The following THSD7B variants were observed in gnomAD, a reference collection of about 807,000 sequenced individuals.
THSD7B encodes thrombospondin type-1 domain-containing protein 7B.
THSD7B carries 138 observed loss-of-function variants against 213.6 expected under a neutral mutation model. That is an observed-to-expected ratio of 0.65 (90% CI 0.56 to 0.74). The LOEUF (loss-of-function observed/expected upper bound fraction) is 0.74. Ranked by LOEUF, THSD7B falls within the 30% of genes least tolerant of loss-of-function variation. The probability of loss-of-function intolerance (pLI) is 0.00; values close to 1 mark genes in which losing one functional copy is unlikely to be tolerated. For missense variants in THSD7B, 1,931 were observed against 1,991.5 expected, an observed-to-expected ratio of 0.97 and a Z score of 0.58; for synonymous variants, 742 against 687.0, an observed-to-expected ratio of 1.08 and a Z score of -1.25.
rs773303059 is a variant in THSD7B, at chr2:137,275,914, T to C, written c.2397-9T>C. ...AAAGTTTCTAGTCCATCGTTTTTGG[T>C]AATCACAGGTGGAAGCCACAGAAAT... is the stretch of plus-strand genomic sequence containing the variant. On this transcript the variant is annotated splice_polypyrimidine_tract_variant and intron_variant, in intron 11 of 27. Transcript: ENST00000409968. 1 of 1,604,386 alleles carries C rather than the reference T, an allele frequency of 6.2e-7. No homozygotes were observed. The highest frequency in any genetic ancestry group is 1.7e-5 in the Admixed American group (1 of 58,228).
At chr2:137,274,340 A>T (rs1413416634) in intron 11 of THSD7B, among the ~76,000 whole-genome samples, 1 of 152,126 alleles carries the variant, frequency 6.6e-6, no homozygotes, top group Non-Finnish European at 1.5e-5. Context: ...AAGGTGATAT[A>T]TTCACATGTT....
intron 15 of THSD7B, among the ~76,000 whole-genome samples, chr2:137,456,646 C>T (rs140601637): frequency 1.7e-3 from 257 of 152,264 alleles, no homozygotes; most frequent in African/African-American, 5.8e-3. Context: ...CAGCCCAAAC[C>T]GATCCATGAT....
chr2:137,202,155 T>C (rs1340481845), intron 7 of THSD7B, among the ~76,000 whole-genome samples: 1 of 152,204 alleles, frequency 6.6e-6, no homozygotes, highest in African/African-American at 2.4e-5. Flanking sequence ...TTAAGGACTG[T>C]GCTCATCTGA....
At chr2:137,640,308 C>T (rs1682916283) in intron 20 of THSD7B, among the ~76,000 whole-genome samples, 1 of 152,154 alleles carries the variant, frequency 6.6e-6, no homozygotes, top group Non-Finnish European at 1.5e-5. Context: ...GTGCCTTTCA[C>T]CTCCCATCAT....
intron 21 of THSD7B, among the ~76,000 whole-genome samples, chr2:137,651,505 A>T (rs538892760): frequency 1.1e-3 from 171 of 151,210 alleles, no homozygotes; most frequent in Middle Eastern, 3.4e-3. Flanking sequence ...TTATTTTTTT[A>T]AAAAAAACAA....
chr2:137,487,095 G>A (rs1053141297), intron 15 of THSD7B, among the ~76,000 whole-genome samples: 14 of 149,910 alleles, frequency 9.3e-5, no homozygotes, highest in Admixed American at 2.6e-4. Flanking sequence ...TAGGCCGGGC[G>A]CGGTGGCTCA....
intron 1 of THSD7B, among the ~76,000 whole-genome samples, chr2:136,827,499 A>G (rs1161316236): frequency 2.0e-5 from 3 of 152,142 alleles, no homozygotes; most frequent in African/African-American, 7.2e-5. Flanking sequence ...AGAATAACCC[A>G]GTGTCTCTCA....
chr2:137,657,310 C>T, intron 24 of THSD7B, 150 bp downstream of exon 24: 1 of 666,788 alleles, frequency 1.5e-6, no homozygotes, highest in South Asian at 2.4e-5. Flanking sequence ...TAGACGTTTG[C>T]ATCTTAGAAA....
At chr2:136,972,234 A>C (rs1308362123) in intron 2 of THSD7B, among the ~76,000 whole-genome samples, 1 of 152,220 alleles carries the variant, frequency 6.6e-6, no homozygotes, top group Non-Finnish European at 1.5e-5. Context: ...AGGGGTAGTG[A>C]GAGCTATGTT....
chr2:137,481,790 T>C (rs1356287689), intron 15 of THSD7B, among the ~76,000 whole-genome samples: 1 of 152,194 alleles, frequency 6.6e-6, no homozygotes, highest in Non-Finnish European at 1.5e-5. Flanking sequence ...TAGCAGACCC[T>C]AGTAGCATTT....
intron 12 of THSD7B, among the ~76,000 whole-genome samples, chr2:137,293,520 CTCTA>C (rs1048646957): frequency 2.0e-5 from 3 of 151,738 alleles, no homozygotes; most frequent in Admixed American, 1.3e-4. Flanking sequence ...ATCTTTCTAT[CTCTA>C]TCTTTCTATT....
At chr2:137,385,303 G>A (rs571802820) in intron 12 of THSD7B, among the ~76,000 whole-genome samples, 8 of 152,344 alleles carry the variant, frequency 5.3e-5, no homozygotes, top group Non-Finnish European at 1.0e-4. Context: ...ATCAACCCAT[G>A]ATGAAATAAT....
intron 12 of THSD7B, among the ~76,000 whole-genome samples, chr2:137,338,159 C>A (rs1473885630): frequency 2.0e-5 from 3 of 152,082 alleles, no homozygotes; most frequent in Non-Finnish European, 4.4e-5. Flanking sequence ...ATGGTTGCAG[C>A]AGCTCTGAGG....
chr2:137,401,813 T>C (rs950976738), intron 12 of THSD7B, among the ~76,000 whole-genome samples: 2 of 152,110 alleles, frequency 1.3e-5, no homozygotes, highest in African/African-American at 4.8e-5. Flanking sequence ...TACTTTACAA[T>C]ACCAATTTAT....
chr2:136,998,261 C>CAAAAAAAAAAAAAAAAAAAAAA (rs33931359), intron 2 of THSD7B, among the ~76,000 whole-genome samples: 10 of 98,392 alleles, frequency 1.0e-4, no homozygotes, highest in Non-Finnish European at 1.7e-4. Context: ...ACTAAAAGGC[C>CAAAAAAAAAAAAAAAAAAAAAA]AAAAAAAAAA....
chr2:137,225,608 G>T (rs1573897677), intron 7 of THSD7B, among the ~76,000 whole-genome samples: 1 of 152,126 alleles, frequency 6.6e-6, no homozygotes, highest in Non-Finnish European at 1.5e-5. Flanking sequence ...TGTAACAATA[G>T]TGCCAAACTA....
chr2:137,377,130 G>A (rs778487159), intron 12 of THSD7B, among the ~76,000 whole-genome samples: 53 of 152,126 alleles, frequency 3.5e-4, no homozygotes, highest in Admixed American at 1.0e-3. Context: ...TTCCGTATGT[G>A]GTGGAAATTG....
At position 137,107,376 on chromosome 2, in the gene THSD7B, G is replaced by C. The variant is rs570986723; in HGVS notation, c.1200-7748G>C. On this transcript the variant is annotated intron_variant, in intron 4 of 27. Coordinates refer to ENST00000409968, the MANE Select transcript of THSD7B (RefSeq NM_001316349.2). ...ACAGGGAGGAGAAGGTCACACACTG[G>C]GGCCTGTCATGGGGTGGAGGGCTAA... is the stretch of plus-strand genomic sequence containing the variant. 5.9e-5 allele frequency among the ~76,000 whole-genome samples: 9 copies of C among 152,264 alleles called. No homozygotes were observed. In the South Asian group the frequency reaches 1.9e-3, roughly 32 times the overall value.
chr2:137,529,705 T>G (rs1680360413), intron 15 of THSD7B, among the ~76,000 whole-genome samples: 1 of 151,634 alleles, frequency 6.6e-6, no homozygotes, highest in Non-Finnish European at 1.5e-5. Context: ...TTTAATAAGA[T>G]TATGGTTAAA....
Sources: gnomAD v4.1 joint callset for allele counts (sites outside exome capture counted in the v4.1 genomes callset) on GRCh38, gnomAD v4.1.1 for gene constraint, MANE v1.5 for transcripts, NCBI Gene and HGNC (gene_info 2026-07-23, HGNC 2026-07-21) for gene names.